EVL: variants seen among roughly 807,000 people sequenced by gnomAD.
EVL encodes ena/VASP-like protein.
A neutral mutation model predicts 59.6 loss-of-function variants in EVL; 21 were observed. That is an observed-to-expected ratio of 0.35 (90% CI 0.25 to 0.51). The LOEUF is 0.51. Ranked by LOEUF, EVL falls within the 20% of genes least tolerant of loss-of-function variation. The pLI is 0.97. For synonymous variants in EVL, 198 were observed against 203.5 expected, an observed-to-expected ratio of 0.97 and a Z score of 0.23; for missense variants, 462 against 546.6, an observed-to-expected ratio of 0.85 and a Z score of 1.54.
intron 1 of EVL, among the ~76,000 whole-genome samples, chr14:99,980,772 A>G (rs1477080746): frequency 5.3e-5 from 8 of 152,204 alleles, no homozygotes; most frequent in African/African-American, 1.7e-4. Flanking sequence ...TTTTAGGCCT[A>G]TGCCATTACC....
upstream of EVL, among the ~76,000 whole-genome samples, chr14:100,061,945 G>A (rs1029164075): frequency 3.9e-5 from 6 of 151,918 alleles, no homozygotes; most frequent in Admixed American, 6.6e-5. Context: ...TTGCTGTCTC[G>A]GGGTGGCAGA....
intron 1 of EVL, among the ~76,000 whole-genome samples, chr14:100,016,256 C>T (rs565867558): frequency 2.0e-5 from 3 of 152,148 alleles, no homozygotes; most frequent in African/African-American, 4.8e-5. Flanking sequence ...AAACACTGGG[C>T]GTTGTGGCTC....
chr14:99,979,811 G>A (rs1289663530), intron 1 of EVL, among the ~76,000 whole-genome samples: 2 of 152,236 alleles, frequency 1.3e-5, no homozygotes, highest in East Asian at 1.9e-4. Context: ...AGAGCTTGCA[G>A]TGAGCCAAGA....
rs749619383 is a variant in EVL at position 100,141,239 on chromosome 14, T to C, written c.1154T>C (p.Met385Thr). ...CTGGATGCCTTCGACTTGGACCGGATGAAGCAGGTGAGCATGCCCTGTGCC... is the reference window on the plus strand; with the variant it reads ...CTGGATGCCTTCGACTTGGACCGGACGAAGCAGGTGAGCATGCCCTGTGCC... Reference protein sequence around the residue: ...MALDAFDLDRMKQEILEEVVR... With the variant: ...MALDAFDLDRTKQEILEEVVR... The change falls in exon 12 of 14, where the codon ATG becomes ACG. Residue 385 changes from methionine to threonine, a missense_variant. Transcript: ENST00000392920. The C allele has an allele frequency of 6.2e-7, 1 of 1,613,740 alleles. No individual in the cohort carries two copies. The highest frequency in any genetic ancestry group is 1.1e-5 in the South Asian group (1 of 91,070).
intron 1 of EVL, among the ~76,000 whole-genome samples, chr14:100,000,656 A>T (rs2060941003): frequency 6.6e-6 from 1 of 152,104 alleles, no homozygotes; most frequent in Non-Finnish European, 1.5e-5. Flanking sequence ...TGCATTTCTG[A>T]TGAGCCTTTC....
chr14:100,041,715 T>C (rs2061470339), intron 1 of EVL, among the ~76,000 whole-genome samples: 1 of 152,250 alleles, frequency 6.6e-6, no homozygotes, highest in Non-Finnish European at 1.5e-5. Flanking sequence ...AGTTGGGTAT[T>C]GCCAAATGGA....
intron 3 of EVL, among the ~76,000 whole-genome samples, 195 bp from the exon 4 acceptor site, chr14:100,123,344 T>TGA (rs926343710): frequency 1.3e-4 from 20 of 152,158 alleles, no homozygotes; most frequent in African/African-American, 3.9e-4. Flanking sequence ...TGAAGAGCCG[T>TGA]GAGAGAGAGA....
chr14:100,105,248 C>T (rs932348616), intron 3 of EVL, among the ~76,000 whole-genome samples: 4 of 152,174 alleles, frequency 2.6e-5, no homozygotes, highest in African/African-American at 4.8e-5. Flanking sequence ...CTCTCTAGAA[C>T]AAGTACAGAG....
intron 1 of EVL, among the ~76,000 whole-genome samples, chr14:99,994,480 A>T (rs999369014): frequency 6.6e-6 from 1 of 152,156 alleles, no homozygotes; most frequent in African/African-American, 2.4e-5. Context: ...TACATAAAAC[A>T]TCTTAAAGTT....
intron 1 of EVL, among the ~76,000 whole-genome samples, chr14:100,043,056 C>T (rs2061490188): frequency 6.6e-6 from 1 of 152,072 alleles, no homozygotes; most frequent in African/African-American, 2.4e-5. Context: ...CATATCAGCT[C>T]CATCAACCTT....
intron 3 of EVL, among the ~76,000 whole-genome samples, chr14:100,117,965 A>ATATG (rs1404678263): frequency 6.6e-6 from 1 of 152,236 alleles, no homozygotes; most frequent in African/African-American, 2.4e-5. Flanking sequence ...TACTTAACAA[A>ATATG]TATGTATTGC....
intron 1 of EVL, among the ~76,000 whole-genome samples, chr14:100,043,203 T>C (rs1482560351): frequency 1.3e-5 from 2 of 151,680 alleles, no homozygotes; most frequent in African/African-American, 4.9e-5. Flanking sequence ...CTCCAGGGAG[T>C]ACCAATAGGA....
chr14:100,129,125 G>A (rs559051235), intron 6 of EVL, among the ~76,000 whole-genome samples: 1 of 152,342 alleles, frequency 6.6e-6, no homozygotes, highest in East Asian at 1.9e-4. Flanking sequence ...GTAGGAAGCT[G>A]TATGCTGGCA....
chr14:99,994,400 A>G (rs900021554), intron 1 of EVL, among the ~76,000 whole-genome samples: 24 of 151,362 alleles, frequency 1.6e-4, no homozygotes, highest in African/African-American at 5.6e-4. Context: ...GTAGTGACAT[A>G]TTTTGATTCC....
chr14:100,052,243 C>G (rs116522418), intron 1 of EVL, among the ~76,000 whole-genome samples: 1 of 152,150 alleles, frequency 6.6e-6, no homozygotes, highest in Non-Finnish European at 1.5e-5. Flanking sequence ...AAATCTGATT[C>G]GCCTGAATGT....
rs755273537 is a variant in EVL, at chr14:100,007,298, C to T, written c.5+35241C>T. On this transcript the variant is annotated intron_variant, in intron 1 of 13. Coordinates refer to the EVL transcript ENST00000402714. ...CAGGTAGGTGAGAGACAAATGGTTG[C>T]ATTCTTTTGAATTTCTGCTTAGGTT... is the stretch of plus-strand genomic sequence containing the variant. Among the ~76,000 whole-genome samples, 129 of 152,042 alleles carry T rather than the reference C, an allele frequency of 8.5e-4. 1 individual carries two copies. The highest frequency in any genetic ancestry group is 1.3e-4 in the Non-Finnish European group (9 of 68,020).
chr14:100,027,639 T>A (rs1015930712), intron 1 of EVL, among the ~76,000 whole-genome samples: 7 of 152,202 alleles, frequency 4.6e-5, no homozygotes, highest in African/African-American at 1.4e-4. Flanking sequence ...ACTTTTTTTT[T>A]AATCCATTCA....
chr14:99,989,045 G>A (rs1168219410), intron 1 of EVL, among the ~76,000 whole-genome samples: 8 of 152,136 alleles, frequency 5.3e-5, no homozygotes, highest in South Asian at 2.1e-4. Context: ...CCTAAAAACT[G>A]TTGTATACTT....
intron 1 of EVL, among the ~76,000 whole-genome samples, chr14:99,973,593 G>C (rs776776585): frequency 6.6e-6 from 1 of 152,176 alleles, no homozygotes; most frequent in Admixed American, 6.5e-5. Flanking sequence ...TTCCCGAGTA[G>C]CTGGGATTAC....
Sources: gnomAD v4.1 joint callset for allele counts (sites outside exome capture counted in the v4.1 genomes callset) on GRCh38, gnomAD v4.1.1 for gene constraint, MANE v1.5 for transcripts, NCBI Gene and HGNC (gene_info 2026-07-23, HGNC 2026-07-21) for gene names.